SCN1A: variants seen among roughly 807,000 people sequenced by gnomAD.
The protein encoded by SCN1A is sodium channel protein type 1 subunit alpha.
A neutral mutation model predicts 193.7 loss-of-function variants in SCN1A; 13 were observed. That is an observed-to-expected ratio of 0.07 (90% confidence interval 0.04 to 0.11). SCN1A has a LOEUF of 0.11. SCN1A is among the 10% of genes least tolerant of loss of function. The pLI is 1.00. For missense variants in SCN1A, 1,432 were observed against 2,451.1 expected (o/e 0.58, Z 8.78); for synonymous variants, 781 against 843.6 (o/e 0.93, Z 1.29).
intron 2 of SCN1A, among the ~76,000 whole-genome samples, chr2:166,114,189 G>A (rs912581649): frequency 1.3e-5 from 2 of 152,128 alleles, no homozygotes; most frequent in African/African-American, 4.8e-5. Context: ...CTGTAAAGTG[G>A]TAGAAAAATC....
intron 21 of SCN1A, among the ~76,000 whole-genome samples, 174 bp downstream of exon 21, chr2:166,013,570 T>C (rs1692827322): frequency 6.6e-6 from 1 of 151,380 alleles, no homozygotes; most frequent in Non-Finnish European, 1.5e-5. Flanking sequence ...TTTACATACA[T>C]AGTAAAAGTT....
intron 18 of SCN1A, 117 bp downstream of exon 18, chr2:166,037,659 T>C: frequency 2.2e-6 from 2 of 921,470 alleles, no homozygotes; most frequent in Non-Finnish European, 3.4e-6. Context: ...TATACTCTTT[T>C]TTTTTATTAT....
chr2:166,092,068 T>C (rs1249823166), intron 2 of SCN1A, among the ~76,000 whole-genome samples: 1 of 152,180 alleles, frequency 6.6e-6, no homozygotes, highest in Non-Finnish European at 1.5e-5. Context: ...ATTTTTTTCT[T>C]TAAAATCCAA....
At chr2:166,101,260 C>CA (rs1303961606) in intron 2 of SCN1A, among the ~76,000 whole-genome samples, 1 of 149,758 alleles carries the variant, frequency 6.7e-6, no homozygotes, top group Non-Finnish European at 1.5e-5. Context: ...ATCGCAAGAA[C>CA]AAAAAACCAA....
chr2:166,099,238 T>C (rs1363521803), intron 2 of SCN1A, among the ~76,000 whole-genome samples: 5 of 151,736 alleles, frequency 3.3e-5, no homozygotes, highest in African/African-American at 1.2e-4. Context: ...ATCCAGCATA[T>C]AAACAGAGCC....
chr2:166,134,771 T>TCTAATAAACCACA (rs1269137852), intron 1 of SCN1A, among the ~76,000 whole-genome samples: 1 of 152,174 alleles, frequency 6.6e-6, no homozygotes, highest in Non-Finnish European at 1.5e-5. Flanking sequence ...TATATGATGG[T>TCTAATAAACCACA]TATCTGTCAT....
chr2:166,090,029 C>CTTTTTTTTTTTTTTTTTTTTTTTTT (rs545740675), intron 2 of SCN1A, among the ~76,000 whole-genome samples: 1 of 71,382 alleles, frequency 1.4e-5, no homozygotes, highest in Non-Finnish European at 2.6e-5. Flanking sequence ...TCCTTCTTTC[C>CTTTTTTTTTTTTTTTTTTTTTTTTT]TTTTTTTTTT....
chr2:166,036,051 T>C lies in SCN1A; in HGVS notation c.3426A>G (p.Lys1142=), dbSNP rs753202524. The change falls in exon 19 of 29, where the codon AAA becomes AAG. Residue 1142 remains lysine, a synonymous_variant. Coordinates refer to ENST00000674923, the MANE Select transcript of SCN1A (RefSeq NM_001165963.4). ...FSSESDLEES[K]EKLNESSSSS... ...TCCCACACCTATAGAATCTTACCTC[T>C]TTGCTTTCTTCCAGATCCGATTCAC... 1.9e-6 allele frequency: 3 copies of C among 1,613,656 alleles called. No homozygotes were observed. The highest frequency in any genetic ancestry group is 1.7e-5 in the Admixed American group (1 of 60,024).
chr2:166,056,053 TG>T, intron 6 of SCN1A, among the ~76,000 whole-genome samples: 1 of 152,222 alleles, frequency 6.6e-6, no homozygotes, highest in Admixed American at 6.6e-5. Context: ...TAACCCTTTT[TG>T]ATTCTTGATT....
Position 165,991,541 on chromosome 2 carries a change from G to T in SCN1A, c.5734C>A (p.Arg1912=). ...ACAGCAGATACTTCCTCTTGTTTTCGTTTTAAAGTAGTAGTGATTGGCTGA... is the reference window on the plus strand; with the variant it reads ...ACAGCAGATACTTCCTCTTGTTTTCTTTTTAAAGTAGTAGTGATTGGCTGA... ...SYQPITTTLK[R]KQEEVSAVII... The change falls in exon 29 of 29, where the codon CGA becomes AGA. Residue 1912 remains arginine (R), a synonymous_variant. Transcript: ENST00000674923. 6.2e-7 allele frequency: 1 copy of T among 1,613,850 alleles called. No individual in the cohort carries two copies. Among genetic ancestry groups the T allele is most frequent in the Non-Finnish European group, 8.5e-7 (1 of 1,179,900 alleles).
Position 165,991,790 on chromosome 2 carries a change from A to G in SCN1A, c.5485T>C (p.Ser1829Pro), listed in dbSNP as rs1689201524. The G allele has an allele frequency of 1.2e-6, 2 of 1,613,850 alleles. No individual in the cohort carries two copies. Among genetic ancestry groups the G allele is most frequent in the East Asian group, 2.2e-5 (1 of 44,862 alleles). Residue 1829 changes from serine to proline, a missense_variant, in exon 29 of 29, where the codon TCT becomes CCT. Coordinates refer to ENST00000674923, the MANE Select transcript of SCN1A (RefSeq NM_001165963.4). ...GGTTCAAGCGCAGCTGCAAACTGAG[A>G]TAATTTTTCAAATTCCATGAACTGA... ...ATQFMEFEKL[S>P]QFAAALEPPL...
At chr2:166,043,524 T>C in intron 14 of SCN1A, 145 bp downstream of exon 14, 1 of 852,306 alleles carries the variant, frequency 1.2e-6, no homozygotes, top group Non-Finnish European at 1.8e-6. Context: ...TTTAGTTGGT[T>C]AGTCTATTAA....
chr2:166,000,274 TCCTTTTAA>T (rs1315652846), intron 24 of SCN1A, among the ~76,000 whole-genome samples: 1 of 151,792 alleles, frequency 6.6e-6, no homozygotes, highest in Non-Finnish European at 1.5e-5. Flanking sequence ...GTTGCAACTA[TCCTTTTAA>T]GAATTTTGGA....
intron 2 of SCN1A, among the ~76,000 whole-genome samples, chr2:166,119,592 A>G (rs933482793): frequency 4.6e-5 from 7 of 152,314 alleles, no homozygotes; most frequent in African/African-American, 1.7e-4. Flanking sequence ...GCTGAGTTCT[A>G]AAGAGAAAAC....
intron 4 of SCN1A, among the ~76,000 whole-genome samples, chr2:166,066,472 G>A (rs1381223825): frequency 6.6e-6 from 1 of 152,058 alleles, no homozygotes; most frequent in Non-Finnish European, 1.5e-5. Flanking sequence ...AATAAAACAT[G>A]TCAATGCCCT....
chr2:166,079,237 G>T (rs1205212343), intron 2 of SCN1A, among the ~76,000 whole-genome samples: 1 of 150,556 alleles, frequency 6.6e-6, no homozygotes, highest in African/African-American at 2.4e-5. Context: ...ATTTATTGTG[G>T]TTTCTGTCAT....
chr2:166,003,965 A>T (rs1691303250), intron 23 of SCN1A, among the ~76,000 whole-genome samples: 1 of 151,586 alleles, frequency 6.6e-6, no homozygotes, highest in Non-Finnish European at 1.5e-5. Context: ...GGAACATAAA[A>T]CAGTGTGATA....
At chr2:166,146,823 A>G (rs760462353) in intron 1 of SCN1A, among the ~76,000 whole-genome samples, 1 of 152,210 alleles carries the variant, frequency 6.6e-6, no homozygotes, top group Non-Finnish European at 1.5e-5. Context: ...TGGAAAATAG[A>G]CCTTCTTATG....
chr2:166,101,658 G>T (rs1429998506), intron 2 of SCN1A, among the ~76,000 whole-genome samples: 5 of 152,034 alleles, frequency 3.3e-5, no homozygotes, highest in African/African-American at 1.2e-4. Flanking sequence ...AACTGTGCTG[G>T]GATAACTGGC....
Sources: gnomAD v4.1 joint callset for allele counts (sites outside exome capture counted in the v4.1 genomes callset) on GRCh38, gnomAD v4.1.1 for gene constraint, MANE v1.5 for transcripts, NCBI Gene and HGNC (gene_info 2026-07-23, HGNC 2026-07-21) for gene names.